MBP: variants seen among roughly 807,000 people sequenced by gnomAD.
MBP encodes the protein Golli-MBP.
A neutral mutation model predicts 35.8 loss-of-function variants in MBP; 16 were observed. That is an observed-to-expected ratio of 0.45 (90% confidence interval 0.30 to 0.68). MBP has a LOEUF of 0.68. Ranked by LOEUF, MBP falls within the 30% of genes least tolerant of loss-of-function variation. The pLI is 0.08. For synonymous variants in MBP, 143 were observed against 159.6 expected, an observed-to-expected ratio of 0.90 and a Z score of 0.78; for missense variants, 380 against 404.7, an observed-to-expected ratio of 0.94 and a Z score of 0.52.
chr18:77,009,381 C>A (rs1971194670), intron 4 of MBP, among the ~76,000 whole-genome samples: 1 of 152,254 alleles, frequency 6.6e-6, no homozygotes. Flanking sequence ...CCCAAGGACA[C>A]TCATCGTTTA....
rs576370556 is a variant in MBP at position 77,052,917 on chromosome 18, G to A, written c.139+13381C>T. On this transcript the variant is annotated intron_variant, in intron 3 of 8. Coordinates refer to ENST00000355994, the MANE Select transcript of MBP (RefSeq NM_001025101.2). Reference sequence around the variant, plus strand: ...TCCCTGTGGGCGCTGTGCCCTTGCCGTCCTAACCTACTCCCTCCTGTGGAG... The same window carrying A: ...TCCCTGTGGGCGCTGTGCCCTTGCCATCCTAACCTACTCCCTCCTGTGGAG... Among the ~76,000 whole-genome samples the A allele has an allele frequency of 7.9e-5, 12 of 152,318 alleles. No homozygotes were observed. In the South Asian group the frequency reaches 1.7e-3, roughly 21 times the overall value.
chr18:77,106,343 CT>C (rs919609733), intron 1 of MBP, among the ~76,000 whole-genome samples: 5 of 152,160 alleles, frequency 3.3e-5, no homozygotes, highest in Non-Finnish European at 5.9e-5. Context: ...ACCGGGGTCC[CT>C]TTTTGGTGGC....
chr18:76,991,728 C>T (rs1328242591), intron 4 of MBP, among the ~76,000 whole-genome samples: 1 of 152,194 alleles, frequency 6.6e-6, no homozygotes, highest in Non-Finnish European at 1.5e-5. Flanking sequence ...AGCTCTGGCC[C>T]CAGGCATGCT....
chr18:76,994,669 T>C (rs1353752229), intron 4 of MBP, among the ~76,000 whole-genome samples: 1 of 152,192 alleles, frequency 6.6e-6, no homozygotes. Flanking sequence ...ATGATGTTGG[T>C]AGGTTTTATT....
At chr18:77,049,265 T>C (rs1237790107) in intron 3 of MBP, among the ~76,000 whole-genome samples, 1 of 152,230 alleles carries the variant, frequency 6.6e-6, no homozygotes, top group Admixed American at 6.5e-5. Context: ...TACTCCTGCC[T>C]GACGCGGTTT....
chr18:76,979,624 C>A lies in MBP; in HGVS notation c.*803G>T. 1 of 349,882 alleles carries A rather than the reference C, an allele frequency of 2.9e-6. No individual in the cohort carries two copies. Among genetic ancestry groups the A allele is most frequent in the East Asian group, 6.5e-5 (1 of 15,492 alleles). The allele number at this position is 349,882 out of a possible 1,614,324, so 21.7% of individuals were successfully genotyped here. A position where few individuals can be genotyped will look rare whatever the true frequency, so the allele number is the denominator to read the frequency against. On this transcript the variant is annotated 3_prime_UTR_variant, in exon 9 of 9. Transcript: ENST00000355994. ...TTGTTCATAGAGGCTGCTCTGGGGC[C>A]ACCATGCAGGGCAACGGTGACGTCC...
chr18:77,126,116 A>G (rs1426267890), intron 1 of MBP, among the ~76,000 whole-genome samples: 2 of 152,226 alleles, frequency 1.3e-5, no homozygotes, highest in Non-Finnish European at 2.9e-5. Context: ...AAGACTATAC[A>G]AAAAATGAGA....
rs999886307 is a variant in MBP at position 76,988,976 on chromosome 18, G to A, written c.682-64C>T. 7 of 1,516,366 alleles carry A rather than the reference G, an allele frequency of 4.6e-6. No individual in the cohort carries two copies. In the African/African-American group the frequency reaches 5.5e-5, roughly 12 times the overall value. The allele number at this position is 1,516,366 out of a possible 1,614,324, so 93.9% of individuals were successfully genotyped here. A position where few individuals can be genotyped will look rare whatever the true frequency, so the allele number is the denominator to read the frequency against. ...CCTGTGCCGCCGTCCATTTCCTAAC[G>A]GGCTCCTGCCTGCTGAGGGTGGCTA... On this transcript the variant is annotated intron_variant, in intron 5 of 8. Transcript: ENST00000355994. The surrounding 1 kb of genome is among the most constrained non-coding windows in gnomAD (Gnocchi z 5.2).
At chr18:77,113,496 C>G (rs562584226) in intron 1 of MBP, 8 of 152,340 alleles carry the variant, frequency 5.3e-5, no homozygotes, top group African/African-American at 1.9e-4. Context: ...TCAGGACGCC[C>G]ACCTGTGGTG....
At chr18:77,017,890 A>T (rs1454808304) in intron 3 of MBP, 1 of 152,206 alleles carries the variant, frequency 6.6e-6, no homozygotes, top group African/African-American at 2.4e-5. Flanking sequence ...CTGAAGTGGG[A>T]TTGAGATATT....
chr18:77,022,045 C>T (rs1217279613), intron 3 of MBP, among the ~76,000 whole-genome samples: 2 of 152,174 alleles, frequency 1.3e-5, no homozygotes, highest in Non-Finnish European at 2.9e-5. Flanking sequence ...GATGTTTGCA[C>T]ACTTACAACT....
chr18:77,072,664 T>C (rs1448037079), intron 2 of MBP, among the ~76,000 whole-genome samples: 2 of 152,146 alleles, frequency 1.3e-5, no homozygotes, highest in Non-Finnish European at 2.9e-5. Flanking sequence ...AATAAGCCCT[T>C]ATTTTTTCTC....
At chr18:77,069,012 C>A (rs1041241735) in intron 2 of MBP, 3 of 483,952 alleles carry the variant, frequency 6.2e-6, no homozygotes, top group Non-Finnish European at 1.2e-5. Flanking sequence ...GGCTTCCAGG[C>A]TCCCAGCAGC....
intron 3 of MBP, among the ~76,000 whole-genome samples, chr18:77,059,893 G>C (rs1049946547): frequency 6.6e-5 from 10 of 152,248 alleles, no homozygotes; most frequent in African/African-American, 1.7e-4. Flanking sequence ...TGTGGCATGG[G>C]AGACAGGCGG....
intron 3 of MBP, among the ~76,000 whole-genome samples, chr18:77,038,285 A>G (rs1041100601): frequency 6.6e-6 from 1 of 152,268 alleles, no homozygotes; most frequent in African/African-American, 2.4e-5. Flanking sequence ...AAGTTCTGCA[A>G]TAATTCAGAT....
intron 4 of MBP, among the ~76,000 whole-genome samples, chr18:77,007,468 C>T (rs1316548628): frequency 6.6e-6 from 1 of 152,210 alleles, no homozygotes; most frequent in Non-Finnish European, 1.5e-5. Flanking sequence ...CCGGCCCCTG[C>T]TCAGGGGGCT....
chr18:77,063,794 G>A (rs890184369), intron 3 of MBP, among the ~76,000 whole-genome samples: 3 of 152,146 alleles, frequency 2.0e-5, no homozygotes, highest in African/African-American at 7.2e-5. Context: ...GCGTTTGGAA[G>A]GGCTTCAGGA....
rs970057625 is a variant in MBP at position 77,131,992 on chromosome 18, C to CCGGGGG, written c.-26+582_-26+587dup. Among the ~76,000 whole-genome samples the CCGGGGG allele has an allele frequency of 1.3e-5, 2 of 152,182 alleles. No individual in the cohort carries two copies. The highest frequency in any genetic ancestry group is 4.8e-5 in the African/African-American group (2 of 41,452). ...GCTCAGAGGGAGACTGCGCTTCGCC[C>CCGGGGG]CGGGGGCAGGGGCAGGAGCGCGATC... On this transcript the variant is annotated intron_variant, in intron 1 of 8. Transcript: ENST00000355994. This position sits in a 1 kb window ranked among gnomAD's most constrained non-coding sequence, Gnocchi z 5.5.
At chr18:77,016,155 T>TTTTC (rs1410023631) in intron 4 of MBP, 1 of 966,684 alleles carries the variant, frequency 1.0e-6, no homozygotes, top group African/African-American at 1.8e-5. Flanking sequence ...ATAGCAGAGT[T>TTTTC]TTTTTTTTTT....
Sources: gnomAD v4.1 joint callset for allele counts (sites outside exome capture counted in the v4.1 genomes callset) on GRCh38, gnomAD v4.1.1 for gene constraint, Gnocchi (gnomAD v3.1) non-coding constraint, MANE v1.5 for transcripts, NCBI Gene and HGNC (gene_info 2026-07-23, HGNC 2026-07-21) for gene names.